Variants in BPHL observed in about 807,000 individuals in gnomAD.
The protein encoded by BPHL is biphenyl hydrolase like.
A neutral mutation model predicts 31.2 loss-of-function variants in BPHL; 27 were observed. The observed-to-expected ratio is 0.87, with a 90% confidence interval of 0.64 to 1.19. BPHL has a LOEUF of 1.19. Ranked by LOEUF, BPHL falls within the 50% of genes most tolerant of loss-of-function variation. The pLI, the probability that BPHL is intolerant of heterozygous loss-of-function variation, is 0.00. For missense variants in BPHL, 356 were observed against 375.7 expected, an observed-to-expected ratio of 0.95 and a Z score of 0.43; for synonymous variants, 150 against 146.8, an observed-to-expected ratio of 1.02 and a Z score of -0.16.
Position 3,152,473 on chromosome 6 carries a change from T to A in BPHL, c.789-15T>A, listed in dbSNP as rs1459658367. 5.0e-6 allele frequency: 8 copies of A among 1,612,102 alleles called. No individual in the cohort carries two copies. Among genetic ancestry groups the A allele is most frequent in the African/African-American group, 1.3e-5 (1 of 74,996 alleles). ...GTGGGCCATTGACCCAAAGTATTTT[T>A]AATTCCTTTTTTAGGCTGCATTTGA... On this transcript the variant is annotated splice_polypyrimidine_tract_variant and intron_variant, in intron 6 of 6. Coordinates refer to ENST00000380379, the MANE Select transcript of BPHL (RefSeq NM_004332.4).
upstream of BPHL, chr6:3,118,685 G>T (rs543591742): frequency 1.4e-4 from 169 of 1,197,652 alleles, no homozygotes; most frequent in Middle Eastern, 2.2e-4. Context: ...AGTGGGCCGG[G>T]TACCGCGCTT....
chr6:3,127,532 C>A, intron 3 of BPHL, 124 bp downstream of exon 3: 3 of 801,752 alleles, frequency 3.7e-6, no homozygotes, highest in East Asian at 2.9e-5. Context: ...TAGAAAACCC[C>A]AAGAGTTCAA....
At chr6:3,143,186 C>T (rs1332118627) in intron 6 of BPHL, among the ~76,000 whole-genome samples, 1 of 152,200 alleles carries the variant, frequency 6.6e-6, no homozygotes, top group Non-Finnish European at 1.5e-5. Context: ...CCACTGCACT[C>T]CAGCCCGGGC....
chr6:3,144,137 G>A (rs1762256834), intron 6 of BPHL, among the ~76,000 whole-genome samples: 2 of 152,186 alleles, frequency 1.3e-5, no homozygotes, highest in Admixed American at 6.5e-5. Flanking sequence ...GCGCGATCTT[G>A]GCTCACTGCA....
intron 2 of BPHL, among the ~76,000 whole-genome samples, chr6:3,125,427 C>A: frequency 6.6e-6 from 1 of 152,098 alleles, no homozygotes; most frequent in East Asian, 1.9e-4. Context: ...TCTCTCCTGT[C>A]CTATCCTCAG....
chr6:3,123,815 T>C, intron 2 of BPHL, 55 bp downstream of exon 2: 1 of 1,392,836 alleles, frequency 7.2e-7, no homozygotes, highest in East Asian at 2.3e-5. Flanking sequence ...TATGATGCAT[T>C]CACAATACTA....
intron 6 of BPHL, among the ~76,000 whole-genome samples, chr6:3,145,021 C>T (rs967974399): frequency 2.0e-5 from 3 of 152,120 alleles, no homozygotes; most frequent in African/African-American, 7.2e-5. Context: ...ACTCAGACCT[C>T]GGTTGGAGTG....
At chr6:3,145,150 TCGAGTGCTGG>T (rs1762294959) in intron 6 of BPHL, among the ~76,000 whole-genome samples, 2 of 140,846 alleles carry the variant, frequency 1.4e-5, no homozygotes, top group African/African-American at 2.7e-5. Context: ...CTGGTTTGGG[TCGAGTGCTGG>T]TTCAGGGTGG....
At chr6:3,150,731 G>T (rs2113781256) in intron 6 of BPHL, among the ~76,000 whole-genome samples, 1 of 152,328 alleles carries the variant, frequency 6.6e-6, no homozygotes, top group South Asian at 2.1e-4. Context: ...TTGTGGTCCT[G>T]TTTCCAAAGA....
At chr6:3,146,048 G>GAT in intron 6 of BPHL, among the ~76,000 whole-genome samples, 1 of 47,440 alleles carries the variant, frequency 2.1e-5, no homozygotes, top group Non-Finnish European at 4.6e-5. Flanking sequence ...GTGGAGTGCT[G>GAT]GTTCGGGTTG....
chr6:3,150,207 GTT>G (rs1217319583), intron 6 of BPHL: 1 of 152,204 alleles, frequency 6.6e-6, no homozygotes. Context: ...CATAGATCAA[GTT>G]TTGTTACATT....
intron 2 of BPHL, among the ~76,000 whole-genome samples, chr6:3,125,049 AT>A (rs796265003): frequency 0.067 from 9,551 of 142,208 alleles, 846 homozygotes; most frequent in African/African-American, 0.22. Flanking sequence ...TACCAATTTA[AT>A]TTTTTTTTTT....
intron 5 of BPHL, chr6:3,137,928 T>G (rs1762057132): frequency 1.8e-5 from 21 of 1,174,980 alleles, no homozygotes; most frequent in Non-Finnish European, 2.3e-5. Flanking sequence ...ATCTTTAATC[T>G]CAACGGAATT....
At chr6:3,143,665 G>T (rs764278663) in intron 6 of BPHL, among the ~76,000 whole-genome samples, 2 of 152,184 alleles carry the variant, frequency 1.3e-5, no homozygotes, top group Non-Finnish European at 2.9e-5. Flanking sequence ...TACAGCGGTC[G>T]TAATAGATTA....
At chr6:3,146,487 GGAGTGCT>G (rs1762369659) in intron 6 of BPHL, among the ~76,000 whole-genome samples, 2 of 133,946 alleles carry the variant, frequency 1.5e-5, no homozygotes, top group East Asian at 2.2e-4. Flanking sequence ...GGTTCCAGCT[GGAGTGCT>G]GGTTTGGGGT....
chr6:3,119,234 A>AGT (rs1471745303), intron 1 of BPHL: 6 of 1,483,796 alleles, frequency 4.0e-6, no homozygotes, highest in South Asian at 1.2e-5. Context: ...CTCTGTCCAG[A>AGT]GTCCACACTA....
In BPHL at chr6:3,128,974, A is replaced by G; in HGVS notation, c.379-71A>G. On this transcript the variant is annotated intron_variant, in intron 3 of 6. Transcript: ENST00000380379. ...CCTCACACCTGTATTGATTCTGATA[A>G]TTAGTGATTCAGTTTCTTTTAACAG... The G allele has an allele frequency of 2.5e-6, 4 of 1,599,712 alleles. No individual in the cohort carries two copies. In the Admixed American group the frequency reaches 6.7e-5, roughly 27 times the overall value.
chr6:3,122,564 G>A lies in BPHL; in HGVS notation c.108-1093G>A, dbSNP rs1183259719. Among the ~76,000 whole-genome samples the A allele has an allele frequency of 3.9e-5, 6 of 152,298 alleles. No individual in the cohort carries two copies. The South Asian group carries it at 8.3e-4, about 21-fold the overall frequency. On this transcript the variant is annotated intron_variant, in intron 1 of 6. Transcript: ENST00000380379. Reference sequence around the variant, plus strand: ...AGAGGTTAATCAGAACACCTGTACGGCACCCATAATTCAGGCAGCACAGAC... The same window carrying A: ...AGAGGTTAATCAGAACACCTGTACGACACCCATAATTCAGGCAGCACAGAC...
chr6:3,127,014 G>T lies in BPHL; in HGVS notation c.212-228G>T, dbSNP rs1761734050. 6 of 284,420 alleles carry T rather than the reference G, an allele frequency of 2.1e-5. No individual in the cohort carries two copies. The East Asian group carries it at 3.5e-4, about 17-fold the overall frequency. 17.6% of individuals were successfully genotyped at this position (284,420 alleles called of 1,614,324 possible). ...TCGAACTCCTGAGCTCAGGCAGTCC[G>T]CCCGCCTCGGCCTCCCAAAGTGCTA... is the stretch of plus-strand genomic sequence containing the variant. On this transcript the variant is annotated intron_variant, in intron 2 of 6. Transcript: ENST00000380379.
Sources: allele counts gnomAD v4.1 joint callset (sites outside exome capture counted in the v4.1 genomes callset), GRCh38; gene constraint gnomAD v4.1.1; transcripts MANE v1.5; gene names NCBI Gene and HGNC (gene_info 2026-07-23, HGNC 2026-07-21).